Variants in SNAPC3 observed in about 807,000 individuals in gnomAD.
The protein encoded by SNAPC3 is small nuclear RNA activating complex polypeptide 3.
A neutral mutation model predicts 47.7 loss-of-function variants in SNAPC3; 56 were observed. The observed-to-expected ratio is 1.18, with a 90% CI of 0.95 to 1.47. The LOEUF is 1.47. Ranked by LOEUF, SNAPC3 falls within the 40% of genes most tolerant of loss-of-function variation. The pLI, the probability that SNAPC3 is intolerant of heterozygous loss-of-function variation, is 0.00. For synonymous variants in SNAPC3, 235 were observed against 189.9 expected (o/e 1.24, Z -1.95); for missense variants, 665 against 511.3 (o/e 1.30, Z -2.90).
In SNAPC3 at chr9:15,423,024, G is replaced by T. The variant is rs767500874; in HGVS notation, c.145G>T (p.Glu49Ter). Residue 49 changes from glutamate to a stop codon, truncating the protein, a stop_gained, in exon 1 of 9, where the codon GAG becomes TAG. Transcript: ENST00000380821. LOFTEE classifies it high-confidence loss of function. ...CGCTTTCCATGTGGGCGCCTTTGGG[G>T]AGCTGTGGCGGGGCCGTCTGCGCGG... ...TRAFHVGAFG[E>*]LWRGRLRGAG... 2.1e-5 allele frequency: 33 copies of T among 1,535,994 alleles called. No individual in the cohort carries two copies. Among genetic ancestry groups the T allele is most frequent in the Non-Finnish European group, 5.2e-6 (6 of 1,148,186 alleles).
In SNAPC3 at chr9:15,460,516, G is replaced by C. The variant is rs1259581635; in HGVS notation, c.*650G>C. 1 of 152,286 alleles carries C rather than the reference G, an allele frequency of 6.6e-6. No individual in the cohort carries two copies. Among genetic ancestry groups the C allele is most frequent in the Non-Finnish European group, 1.5e-5 (1 of 68,110 alleles). 9.4% of individuals were successfully genotyped at this position (152,286 alleles called of 1,614,324 possible). A position where few individuals can be genotyped will look rare whatever the true frequency, so the allele number is the denominator to read the frequency against. ...AGTGATTCTCCTGCCACAGCCTCCT[G>C]AGTAGCTGGGATTGCAGGCACCTGG... On this transcript the variant is annotated 3_prime_UTR_variant, in exon 9 of 9. Coordinates refer to ENST00000380821, the MANE Select transcript of SNAPC3 (RefSeq NM_001039697.2).
At chr9:15,440,768 T>A (rs1394381708) in intron 3 of SNAPC3, among the ~76,000 whole-genome samples, 2 of 152,134 alleles carry the variant, frequency 1.3e-5, no homozygotes, top group Non-Finnish European at 2.9e-5. Flanking sequence ...GCTAACACAG[T>A]GAAACCCCGT....
Position 15,449,535 on chromosome 9 carries a change from TTATATATATATA to T in SNAPC3, c.733-1767_733-1756del, listed in dbSNP as rs538667627. ...ATTGTTTCTGTCTCTTCTATTATTA[TTATATATATATA>T]TATATATATATATATATTTTTTTTT... On this transcript the variant is annotated intron_variant, in intron 5 of 8. Transcript: ENST00000380821. Among the ~76,000 whole-genome samples the T allele has an allele frequency of 7.9e-4, 36 of 45,752 alleles. 1 individual carries two copies. Among genetic ancestry groups the T allele is most frequent in the African/African-American group, 2.6e-3 (35 of 13,674 alleles). The allele number at this position is 45,752 out of a possible 152,430, so 30.0% of individuals were successfully genotyped here.
In SNAPC3 at chr9:15,453,164, T is replaced by C. The variant is rs2034522204; in HGVS notation, c.939T>C (p.His313=). 2 of 1,613,142 alleles carry C rather than the reference T, an allele frequency of 1.2e-6. No individual in the cohort carries two copies. Among genetic ancestry groups the C allele is most frequent in the Non-Finnish European group, 1.7e-6 (2 of 1,179,178 alleles). The stretch of plus-strand genomic sequence containing the variant: ...TGGGTTTTCCTTACTTATACTGTCA[T>C]CAGGGAGACTGTGAACATGTCATTG... ...IKLGFPYLYC[H]QGDCEHVIVI... is the part of the protein sequence containing the mutation. The change falls in exon 7 of 9, where the codon CAT becomes CAC. Residue 313 remains histidine, a synonymous_variant. Transcript: ENST00000380821.
In SNAPC3 at chr9:15,460,618, T is replaced by C. The variant is rs1397893294; in HGVS notation, c.*752T>C. 6.6e-6 allele frequency: 1 copy of C among 152,276 alleles called. No homozygotes were observed. The highest frequency in any genetic ancestry group is 1.5e-5 in the Non-Finnish European group (1 of 68,078). 9.4% of individuals were successfully genotyped at this position (152,276 alleles called of 1,614,324 possible). A position where few individuals can be genotyped will look rare whatever the true frequency, so the allele number is the denominator to read the frequency against. On this transcript the variant is annotated 3_prime_UTR_variant, in exon 9 of 9. Coordinates refer to ENST00000380821, the MANE Select transcript of SNAPC3 (RefSeq NM_001039697.2). ...GTTGGCCAGGCTGGTCTCAAACTCC[T>C]AACCTCAGGCGATCCACCCGCCTAA...
At chr9:15,450,610 T>C (rs1197908335) in intron 5 of SNAPC3, among the ~76,000 whole-genome samples, 2 of 152,236 alleles carry the variant, frequency 1.3e-5, no homozygotes, top group Non-Finnish European at 2.9e-5. Context: ...GGAGTCTAAA[T>C]AGAAGGTGAA....
intron 5 of SNAPC3, 34 bp downstream of exon 5, chr9:15,447,278 A>T (rs780263024): frequency 8.7e-6 from 14 of 1,601,854 alleles, no homozygotes; most frequent in Non-Finnish European, 1.1e-5. Context: ...ACAAAAGGAA[A>T]TAACAAGCTA....
chr9:15,459,758 A>T lies in SNAPC3; in HGVS notation c.1128A>T (p.Pro376=), dbSNP rs2035062400. 6.2e-7 allele frequency: 1 copy of T among 1,613,712 alleles called. No homozygotes were observed. The highest frequency in any genetic ancestry group is 8.5e-7 in the Non-Finnish European group (1 of 1,179,850). Reference sequence around the variant, plus strand: ...ATGACAGTTTTGCACCAGAGGACCCATGCTTCTTTTGTGATGTTTGCTTCC... The same window carrying T: ...ATGACAGTTTTGCACCAGAGGACCCTTGCTTCTTTTGTGATGTTTGCTTCC... ...TNNDSFAPED[P]CFFCDVCFRM... is the part of the protein sequence containing the mutation. Residue 376 remains proline, a synonymous_variant, in exon 9 of 9, where the codon CCA becomes CCT. Transcript: ENST00000380821.
In SNAPC3 at chr9:15,440,915, C is replaced by T. The variant is rs10962035; in HGVS notation, c.478-3687C>T. 2.6e-4 allele frequency among the ~76,000 whole-genome samples: 38 copies of T among 147,032 alleles called. No homozygotes were observed. The East Asian group carries it at 6.8e-3, about 26-fold the overall frequency. On this transcript the variant is annotated intron_variant, in intron 3 of 8. Coordinates refer to ENST00000380821, the MANE Select transcript of SNAPC3 (RefSeq NM_001039697.2). ...AGTGAGCCGAGATAGCGCCACTGCA[C>T]TCCAGCTTGGGCAACAGAGTGAGAC...
chr9:15,465,493 T>C (rs2035557457), downstream of SNAPC3: 2 of 1,494,626 alleles, frequency 1.3e-6, no homozygotes, highest in Non-Finnish European at 1.8e-6. Flanking sequence ...ACTTCTCAAG[T>C]GTTCTCTATA....
intron 6 of SNAPC3, 150 bp from the exon 7 acceptor site, chr9:15,452,891 G>A (rs150182630): frequency 1.7e-6 from 1 of 573,670 alleles, no homozygotes; most frequent in African/African-American, 1.9e-5. Flanking sequence ...CTCAACATGT[G>A]TCAAACATTT....
At chr9:15,453,366 C>G in intron 7 of SNAPC3, 161 bp downstream of exon 7, 1 of 532,742 alleles carries the variant, frequency 1.9e-6, no homozygotes, top group Non-Finnish European at 3.3e-6. Context: ...ATGCAAATAC[C>G]AACTCTTTCC....
At position 15,459,867 on chromosome 9, in the gene SNAPC3, G is replaced by C. The variant is rs774250113; in HGVS notation, c.*1G>C. ...TGTTGATCCTGGAACCTTTAATTAA[G>C]AATAGCTACACTCACAAAAATACCC... On this transcript the variant is annotated 3_prime_UTR_variant, in exon 9 of 9. Transcript: ENST00000380821. The C allele has an allele frequency of 5.0e-6, 8 of 1,606,902 alleles. No homozygotes were observed. Among genetic ancestry groups the C allele is most frequent in the Middle Eastern group, 1.6e-4 (1 of 6,072 alleles).
downstream of SNAPC3, chr9:15,463,466 A>AACAT (rs1217336978): frequency 1.6e-5 from 2 of 124,224 alleles, no homozygotes; most frequent in Non-Finnish European, 3.2e-5. Flanking sequence ...GAGGTGTTAA[A>AACAT]ACATACATAT....
At chr9:15,466,713 A>G (rs769313271), downstream of SNAPC3, 4 of 1,512,164 alleles carry the variant, frequency 2.6e-6, no homozygotes, top group Non-Finnish European at 3.6e-6. Context: ...TGAATAATAA[A>G]AAACACACAA....
chr9:15,465,531 GT>G (rs2035561723), downstream of SNAPC3: 3 of 1,572,666 alleles, frequency 1.9e-6, no homozygotes, highest in East Asian at 6.8e-5. Flanking sequence ...TAGTTATCTA[GT>G]GTAGAATCCT....
chr9:15,451,325 A>T lies in SNAPC3; in HGVS notation c.738A>T (p.Leu246=). 1 of 1,411,012 alleles carries T rather than the reference A, an allele frequency of 7.1e-7. No homozygotes were observed. The highest frequency in any genetic ancestry group is 2.3e-5 in the East Asian group (1 of 43,582). The allele number at this position is 1,411,012 out of a possible 1,614,324, so 87.4% of individuals were successfully genotyped here. A position where few individuals can be genotyped will look rare whatever the true frequency, so the allele number is the denominator to read the frequency against. The change falls in exon 6 of 9, where the codon CTA becomes CTT. Residue 246 remains leucine (L), a synonymous_variant. Coordinates refer to ENST00000380821, the MANE Select transcript of SNAPC3 (RefSeq NM_001039697.2). The stretch of plus-strand genomic sequence containing the variant: ...TACAATCTGTTTTCTTGTAGGACCT[A>T]TACAAATCAGCCTTCTTTTATTTTG... ...DQAPEHISKD[L]YKSAFFYFEG... is the part of the protein sequence containing the mutation.
At chr9:15,446,541 G>T (rs1011048207) in intron 4 of SNAPC3, among the ~76,000 whole-genome samples, 1 of 152,190 alleles carries the variant, frequency 6.6e-6, no homozygotes, top group African/African-American at 2.4e-5. Flanking sequence ...AGATGACTGA[G>T]TGATGACATG....
In SNAPC3 at chr9:15,459,908, GTTCTC is replaced by G. The variant is rs1356133793; in HGVS notation, c.*45_*49del. 6.4e-7 allele frequency: 1 copy of G among 1,565,318 alleles called. No homozygotes were observed. The highest frequency in any genetic ancestry group is 1.2e-5 in the South Asian group (1 of 86,198). On this transcript the variant is annotated 3_prime_UTR_variant, in exon 9 of 9. Coordinates refer to ENST00000380821, the MANE Select transcript of SNAPC3 (RefSeq NM_001039697.2). ...AAAAATACCCCCTCATGAAATAACT[GTTCTC>G]TTGGATGGTTACCTTATTTCTAAGA...
Sources: gnomAD v4.1 joint callset for allele counts (sites outside exome capture counted in the v4.1 genomes callset) on GRCh38, gnomAD v4.1.1 for gene constraint, MANE v1.5 for transcripts, NCBI Gene and HGNC (gene_info 2026-07-23, HGNC 2026-07-21) for gene names.